HMGA2: variants seen among roughly 807,000 people sequenced by gnomAD.
HMGA2 encodes high mobility group protein HMGI-C.
Under a neutral mutation model 19.1 loss-of-function variants are expected in HMGA2, and 8 were observed. The ratio of observed to expected loss-of-function variants is 0.42; its 90% CI spans 0.25 to 0.76. The LOEUF (loss-of-function observed/expected upper bound fraction) is 0.76. Among genes scored for constraint, HMGA2 ranks in the 30% least tolerant of loss-of-function variants. The probability of loss-of-function intolerance (pLI) is 0.28; values close to 1 mark genes in which losing one functional copy is unlikely to be tolerated. For synonymous variants in HMGA2, 60 were observed against 48.8 expected, an observed-to-expected ratio of 1.23 and a Z score of -0.96; for missense variants, 109 against 136.3, an observed-to-expected ratio of 0.80 and a Z score of 1.00.
intron 4 of HMGA2, 107 bp downstream of exon 4, chr12:65,951,522 T>C (rs1350267449): frequency 1.3e-6 from 1 of 763,616 alleles, no homozygotes; most frequent in Admixed American, 2.2e-5. Context: ...TTACTTTTGG[T>C]TATCGTCCTG....
At chr12:65,929,262 C>T (rs987711341) in intron 3 of HMGA2, among the ~76,000 whole-genome samples, 1 of 152,002 alleles carries the variant, frequency 6.6e-6, no homozygotes, top group African/African-American at 2.4e-5. Context: ...AGTGTTGCAG[C>T]CTTCCCATAC....
At chr12:65,923,600 T>C (rs1002010396) in intron 3 of HMGA2, among the ~76,000 whole-genome samples, 13 of 152,216 alleles carry the variant, frequency 8.5e-5, no homozygotes, top group Non-Finnish European at 1.8e-4. Flanking sequence ...TGTAGGCTCC[T>C]GTACCCTGTG....
intron 3 of HMGA2, among the ~76,000 whole-genome samples, chr12:65,847,192 A>C (rs919364731): frequency 6.6e-6 from 1 of 152,200 alleles, no homozygotes; most frequent in Non-Finnish European, 1.5e-5. Flanking sequence ...ATATAAGCTA[A>C]TACAAAATGT....
rs939459523 is a variant in HMGA2 at position 65,824,743 on chromosome 12, C to G, written c.-528C>G. 1.2e-3 allele frequency: 267 copies of G among 229,544 alleles called. 3 individuals are homozygous for G. The highest frequency in any genetic ancestry group is 3.6e-3 in the African/African-American group (160 of 44,504). The allele number at this position is 229,544 out of a possible 1,614,324, so 14.2% of individuals were successfully genotyped here. A position where few individuals can be genotyped will look rare whatever the true frequency, so the allele number is the denominator to read the frequency against. The stretch of plus-strand genomic sequence containing the variant: ...TCTCTCTCTCTCTCTCTCTCTCTCT[C>G]TCTCTCTCTCTCTCTCTCTCTCTCT... On this transcript the variant is annotated 5_prime_UTR_variant, in exon 1 of 5. Coordinates refer to ENST00000403681, the MANE Select transcript of HMGA2 (RefSeq NM_003483.6).
chr12:65,836,573 G>A (rs1249912549), intron 2 of HMGA2, among the ~76,000 whole-genome samples: 1 of 152,170 alleles, frequency 6.6e-6, no homozygotes, highest in Non-Finnish European at 1.5e-5. Flanking sequence ...TGGAAGAGCA[G>A]GAATTGGAAT....
rs889150071 is a variant in HMGA2, at chr12:65,955,837, C to T, written c.282+4422C>T. 3 of 152,154 alleles carry T rather than the reference C, an allele frequency of 2.0e-5. 1 individual carries two copies. The South Asian group carries it at 6.2e-4, about 32-fold the overall frequency. The allele number at this position is 152,154 out of a possible 1,614,324, so 9.4% of individuals were successfully genotyped here. A position where few individuals can be genotyped will look rare whatever the true frequency, so the allele number is the denominator to read the frequency against. ...CTTGATTATCACGGGATTTCTTCCCCCTCAAAATAAAATGTTGAATGTTTT... is the reference window on the plus strand; with the variant it reads ...CTTGATTATCACGGGATTTCTTCCCTCTCAAAATAAAATGTTGAATGTTTT... On this transcript the variant is annotated intron_variant, in intron 4 of 4. Transcript: ENST00000403681.
chr12:65,923,738 G>A (rs905681510), intron 3 of HMGA2, among the ~76,000 whole-genome samples: 6 of 152,108 alleles, frequency 3.9e-5, no homozygotes, highest in African/African-American at 1.2e-4. Flanking sequence ...CGCCGGGTGC[G>A]GCAGCTCATG....
At chr12:65,869,566 C>A (rs1055141230) in intron 3 of HMGA2, among the ~76,000 whole-genome samples, 1 of 152,198 alleles carries the variant, frequency 6.6e-6, no homozygotes, top group African/African-American at 2.4e-5. Flanking sequence ...CTAGAGATAG[C>A]AGCTCTCCTT....
chr12:65,860,057 A>C (rs934430137), intron 3 of HMGA2: 1 of 452,006 alleles, frequency 2.2e-6, no homozygotes, highest in Non-Finnish European at 4.5e-6. Context: ...GTGCTACTGC[A>C]CTCCAGCCTG....
At chr12:65,831,015 T>C (rs530674850) in intron 2 of HMGA2, 3 of 152,038 alleles carry the variant, frequency 2.0e-5, no homozygotes, top group African/African-American at 4.8e-5. Context: ...CAGTTTCATA[T>C]AGTTACCTGA....
At chr12:65,855,835 C>G (rs1871713584) in intron 3 of HMGA2, 1 of 151,402 alleles carries the variant, frequency 6.6e-6, no homozygotes, top group African/African-American at 2.4e-5. Flanking sequence ...GACCAAAAGC[C>G]CTGTTGGATC....
chr12:65,944,270 A>C (rs1876186307), intron 3 of HMGA2, among the ~76,000 whole-genome samples: 1 of 152,234 alleles, frequency 6.6e-6, no homozygotes, highest in South Asian at 2.1e-4. Flanking sequence ...GACAGTTTTC[A>C]TTCTAGACCT....
At chr12:65,848,182 T>C (rs1041511278) in intron 3 of HMGA2, among the ~76,000 whole-genome samples, 1 of 152,218 alleles carries the variant, frequency 6.6e-6, no homozygotes, top group African/African-American at 2.4e-5. Flanking sequence ...ACTCTTATGC[T>C]GTACCTTAGA....
At chr12:65,864,853 G>A (rs1592398874) in intron 3 of HMGA2, among the ~76,000 whole-genome samples, 1 of 152,064 alleles carries the variant, frequency 6.6e-6, no homozygotes, top group East Asian at 1.9e-4. Flanking sequence ...TTTCATATTA[G>A]TGCACACTTG....
In HMGA2 at chr12:65,824,727, CTCTCTCTCTCTCT is replaced by C. The variant is rs1870038293; in HGVS notation, c.-543_-531del. On this transcript the variant is annotated 5_prime_UTR_variant, in exon 1 of 5. Coordinates refer to ENST00000403681, the MANE Select transcript of HMGA2 (RefSeq NM_003483.6). Reference sequence around the variant, plus strand: ...ATCTCAATCTCTTCTCTCTCTCTCTCTCTCTCTCTCTCTCTCTCTCTCTCTCTCTCTCTCTCTC... The same window carrying C: ...ATCTCAATCTCTTCTCTCTCTCTCTCCTCTCTCTCTCTCTCTCTCTCTCTC... 5.8e-6 allele frequency: 1 copy of C among 172,004 alleles called. No individual in the cohort carries two copies. Among genetic ancestry groups the C allele is most frequent in the South Asian group, 2.4e-4 (1 of 4,148 alleles). The allele number at this position is 172,004 out of a possible 1,614,324, so 10.7% of individuals were successfully genotyped here. A position where few individuals can be genotyped will look rare whatever the true frequency, so the allele number is the denominator to read the frequency against.
rs377627949 is a variant in HMGA2, at chr12:65,881,348, A to G, written c.249+42779A>G. ...TGACAGCTCGGCTGTTTGTATCTCC[A>G]GAATGAAACATAATCAGATTTTTTT... On this transcript the variant is annotated intron_variant, in intron 3 of 4. Coordinates refer to ENST00000403681, the MANE Select transcript of HMGA2 (RefSeq NM_003483.6). 1.4e-5 allele frequency: 3 copies of G among 208,742 alleles called. No individual in the cohort carries two copies. The East Asian group carries it at 3.1e-4, about 22-fold the overall frequency. The allele number at this position is 208,742 out of a possible 1,614,324, so 12.9% of individuals were successfully genotyped here.
chr12:65,945,384 G>A (rs936501140), intron 3 of HMGA2, among the ~76,000 whole-genome samples: 7 of 152,102 alleles, frequency 4.6e-5, no homozygotes, highest in East Asian at 1.9e-4. Context: ...ACATAATTTC[G>A]TGAAAGGCAA....
chr12:65,862,708 T>A lies in HMGA2; in HGVS notation c.249+24139T>A, dbSNP rs551601355. 5.3e-4 allele frequency among the ~76,000 whole-genome samples: 80 copies of A among 152,240 alleles called. 1 individual carries two copies. Among genetic ancestry groups the A allele is most frequent in the African/African-American group, 1.7e-3 (72 of 41,542 alleles). On this transcript the variant is annotated intron_variant, in intron 3 of 4. Coordinates refer to ENST00000403681, the MANE Select transcript of HMGA2 (RefSeq NM_003483.6). ...AGAATTCAAGATAGAGATGAAACAC[T>A]CATGTACTTAGTGTGTGTGAAGTTT...
At chr12:65,955,033 T>G (rs1876564874) in intron 4 of HMGA2, 1 of 152,032 alleles carries the variant, frequency 6.6e-6, no homozygotes, top group Admixed American at 6.6e-5. Flanking sequence ...ACACAAAAAT[T>G]AGCCGGGCGT....
Sources: gnomAD v4.1 joint callset for allele counts (sites outside exome capture counted in the v4.1 genomes callset) on GRCh38, gnomAD v4.1.1 for gene constraint, MANE v1.5 for transcripts, NCBI Gene and HGNC (gene_info 2026-07-23, HGNC 2026-07-21) for gene names.